The following PRR5 variants were observed in gnomAD, a reference collection of about 807,000 sequenced individuals.
PRR5 encodes proline rich 5.
A neutral mutation model predicts 30.6 loss-of-function variants in PRR5; 25 were observed. The ratio of observed to expected loss-of-function variants is 0.82; its 90% CI spans 0.60 to 1.14. The LOEUF (loss-of-function observed/expected upper bound fraction) is 1.14, where lower values mean the gene tolerates loss of function less well. Among genes scored for constraint, PRR5 ranks in the 50% most tolerant of loss-of-function variants. The probability of loss-of-function intolerance (pLI) is 0.00; values close to 1 mark genes in which losing one functional copy is unlikely to be tolerated. For missense variants in PRR5, 600 were observed against 547.1 expected (o/e 1.10, Z -0.96); for synonymous variants, 286 against 247.1 (o/e 1.16, Z -1.48).
rs564629305 is a variant in PRR5, at chr22:44,711,886, T to G, written c.135-2705T>G. Among the ~76,000 whole-genome samples the G allele has an allele frequency of 9.8e-5, 15 of 152,288 alleles. 1 individual carries two copies. The South Asian group carries it at 3.1e-3, about 32-fold the overall frequency. On this transcript the variant is annotated intron_variant, in intron 1 of 7. Transcript: ENST00000336985. ...CCCACCCCAACAGCTGCCACAGGGC[T>G]GGGAGGGTGTCTGCAGCTGCCAGGA...
intron 4 of PRR5, among the ~76,000 whole-genome samples, chr22:44,727,240 C>T (rs1470851728): frequency 6.6e-6 from 1 of 152,102 alleles, no homozygotes. Flanking sequence ...GAGGTCCCCG[C>T]TGGCCTCACT....
At chr22:44,712,485 G>A (rs933793513) in intron 1 of PRR5, among the ~76,000 whole-genome samples, 1 of 152,208 alleles carries the variant, frequency 6.6e-6, no homozygotes, top group Non-Finnish European at 1.5e-5. Context: ...GGCCAGTCCC[G>A]GCTCCGTGTG....
chr22:44,706,233 A>T (rs1012692348), intron 1 of PRR5, among the ~76,000 whole-genome samples: 1 of 152,240 alleles, frequency 6.6e-6, no homozygotes, highest in East Asian at 1.9e-4. Flanking sequence ...TTGCTCTGTC[A>T]TGAGAACTGA....
upstream of PRR5, among the ~76,000 whole-genome samples, chr22:44,676,485 C>G (rs1388140778): frequency 6.6e-6 from 1 of 151,584 alleles, no homozygotes; most frequent in African/African-American, 2.4e-5. Context: ...GTGTGATGGC[C>G]CTCCCCACAG....
intron 4 of PRR5, chr22:44,730,458 G>A (rs1470725508): frequency 9.1e-6 from 9 of 985,220 alleles, no homozygotes; most frequent in South Asian, 4.7e-5. Flanking sequence ...GGTTCTTCAC[G>A]TTGCCTCTCC....
upstream of PRR5, among the ~76,000 whole-genome samples, chr22:44,699,425 C>T (rs1926056976): frequency 6.6e-6 from 1 of 152,250 alleles, no homozygotes. Flanking sequence ...CATCCGGATC[C>T]CTGGCGGTTC....
intron 6 of PRR5, among the ~76,000 whole-genome samples, chr22:44,732,612 G>A (rs1178821322): frequency 6.6e-6 from 1 of 152,140 alleles, no homozygotes; most frequent in African/African-American, 2.4e-5. Context: ...TGGGCACAGG[G>A]CTGGGCCTTT....
intron 4 of PRR5, among the ~76,000 whole-genome samples, chr22:44,727,269 G>A (rs570311077): frequency 6.6e-6 from 1 of 152,206 alleles, no homozygotes. Flanking sequence ...TGGGCTTCCC[G>A]TGGCCGAGAG....
intron 1 of PRR5, among the ~76,000 whole-genome samples, chr22:44,680,455 G>T (rs1185914186): frequency 2.0e-5 from 3 of 152,202 alleles, no homozygotes; most frequent in Admixed American, 1.3e-4. Context: ...TAACAGGAGG[G>T]CTGGTCCCTG....
chr22:44,706,927 T>A (rs979747015), intron 1 of PRR5, among the ~76,000 whole-genome samples: 26 of 152,138 alleles, frequency 1.7e-4, no homozygotes, highest in Admixed American at 7.9e-4. Flanking sequence ...GTTTCCTGAG[T>A]GCCCACTCCT....
intron 2 of PRR5, among the ~76,000 whole-genome samples, chr22:44,724,009 A>T (rs565496948): frequency 6.6e-5 from 10 of 152,374 alleles, no homozygotes; most frequent in African/African-American, 2.2e-4. Context: ...ATCATTGTAC[A>T]CATCTGTTAT....
At chr22:44,676,603 G>A (rs1274674924), upstream of PRR5, among the ~76,000 whole-genome samples, 1 of 151,890 alleles carries the variant, frequency 6.6e-6, no homozygotes, top group Non-Finnish European at 1.5e-5. Flanking sequence ...GAGGGTTGGT[G>A]TTCTAGGCGG....
intron 1 of PRR5, among the ~76,000 whole-genome samples, chr22:44,689,429 G>T (rs114790618): frequency 1.3e-5 from 2 of 152,224 alleles, no homozygotes. Flanking sequence ...GCATCTGGGC[G>T]GCAAGTGGGA....
chr22:44,713,295 T>C (rs1928540133), intron 1 of PRR5, among the ~76,000 whole-genome samples: 1 of 152,094 alleles, frequency 6.6e-6, no homozygotes, highest in African/African-American at 2.4e-5. Flanking sequence ...CGGGGAGAGC[T>C]CTAGGAGGTA....
Position 44,671,638 on chromosome 22 carries a change from T to C in PRR5, c.-11+2833T>C, listed in dbSNP as rs552722249. On this transcript the variant is annotated intron_variant, in intron 1 of 8. Coordinates refer to the PRR5 transcript ENST00000432186. ...CCTGCCCTGACTAAAGCTGGGAAAA[T>C]TGCCTAAGCTCCCTGAGCTTCAGTT... Among the ~76,000 whole-genome samples the C allele has an allele frequency of 7.2e-5, 11 of 152,180 alleles. No homozygotes were observed. The South Asian group carries it at 2.3e-3, about 32-fold the overall frequency.
chr22:44,692,318 C>T (rs80088964), intron 1 of PRR5, among the ~76,000 whole-genome samples: 10,233 of 138,212 alleles, frequency 0.074, 1,461 homozygotes, highest in African/African-American at 0.28. Flanking sequence ...TGCTCCTCCT[C>T]CCGGGGCTCC....
At chr22:44,712,402 C>T (rs968826840) in intron 1 of PRR5, among the ~76,000 whole-genome samples, 2 of 152,194 alleles carry the variant, frequency 1.3e-5, no homozygotes, top group African/African-American at 2.4e-5. Context: ...CTCCTCGAAG[C>T]ATGTGGGATA....
chr22:44,678,714 A>T, intron 1 of PRR5, among the ~76,000 whole-genome samples: 1 of 152,156 alleles, frequency 6.6e-6, no homozygotes, highest in Non-Finnish European at 1.5e-5. Flanking sequence ...CGGCCCCCTC[A>T]GTGCCATCTC....
Position 44,729,322 on chromosome 22 carries a change from C to T in PRR5, c.323-2408C>T, listed in dbSNP as rs907263614. Reference sequence around the variant, plus strand: ...GGGTTGTTGGTTTGCAGGGCCTGCACAGGGCCCTCAGCACTCGGATAAAGA... The same window carrying T: ...GGGTTGTTGGTTTGCAGGGCCTGCATAGGGCCCTCAGCACTCGGATAAAGA... On this transcript the variant is annotated intron_variant, in intron 4 of 7. Transcript: ENST00000336985. 1.1e-5 allele frequency: 11 copies of T among 981,188 alleles called. No individual in the cohort carries two copies. The South Asian group carries it at 3.8e-4, about 34-fold the overall frequency. The allele number at this position is 981,188 out of a possible 1,614,324, so 60.8% of individuals were successfully genotyped here. A position where few individuals can be genotyped will look rare whatever the true frequency, so the allele number is the denominator to read the frequency against.
Sources: allele counts gnomAD v4.1 joint callset (sites outside exome capture counted in the v4.1 genomes callset), GRCh38; gene constraint gnomAD v4.1.1; transcripts MANE v1.5; gene names NCBI Gene and HGNC (gene_info 2026-07-23, HGNC 2026-07-21).